The following FRMD4A variants were observed in gnomAD, a reference collection of about 807,000 sequenced individuals.
The protein encoded by FRMD4A is FERM domain-containing protein 4A.
In FRMD4A, 29 loss-of-function variants were observed where a neutral mutation model predicts 129.1. The ratio of observed to expected loss-of-function variants is 0.22; its 90% confidence interval spans 0.17 to 0.31. FRMD4A has a LOEUF of 0.31. FRMD4A is among the 10% of genes least tolerant of loss of function. The pLI, the probability that FRMD4A is intolerant of heterozygous loss-of-function variation, is 1.00. For missense variants in FRMD4A, 1,272 were observed against 1,375.8 expected (o/e 0.92, Z 1.19); for synonymous variants, 634 against 571.6 (o/e 1.11, Z -1.56).
chr10:13,880,529 TCCCCAGCTCCACAATGGGGAGAGCC>T (rs1422625542), intron 2 of FRMD4A, among the ~76,000 whole-genome samples: 1 of 152,132 alleles, frequency 6.6e-6, no homozygotes, highest in Non-Finnish European at 1.5e-5. Context: ...GACCAGGGGC[TCCCCAGCTCCACAATGGGGAGAGCC>T]CCCCAGGGTA....
intron 3 of FRMD4A, among the ~76,000 whole-genome samples, chr10:13,851,140 G>A (rs572994773): frequency 2.4e-4 from 36 of 152,276 alleles, no homozygotes; most frequent in Middle Eastern, 3.4e-3. Flanking sequence ...CTTGAACCCG[G>A]GAGGCAGAGG....
intron 2 of FRMD4A, among the ~76,000 whole-genome samples, chr10:14,161,297 A>G (rs1430030626): frequency 1.3e-5 from 2 of 152,238 alleles, no homozygotes; most frequent in Non-Finnish European, 2.9e-5. Context: ...CTACCATACA[A>G]TCCAACAATT....
intron 2 of FRMD4A, among the ~76,000 whole-genome samples, chr10:14,322,980 A>G (rs1488307753): frequency 6.6e-6 from 1 of 152,230 alleles, no homozygotes; most frequent in Non-Finnish European, 1.5e-5. Context: ...AACATATTGC[A>G]GCCCATATTT....
At chr10:14,236,285 G>A (rs1564407331) in intron 2 of FRMD4A, among the ~76,000 whole-genome samples, 1 of 152,216 alleles carries the variant, frequency 6.6e-6, no homozygotes, top group Non-Finnish European at 1.5e-5. Flanking sequence ...CATGAAGCGT[G>A]GATGAAGAGC....
intron 4 of FRMD4A, among the ~76,000 whole-genome samples, chr10:13,806,808 A>G (rs952532567): frequency 6.6e-6 from 1 of 152,044 alleles, no homozygotes; most frequent in Admixed American, 6.6e-5. Flanking sequence ...CAAAATATAA[A>G]TACTTTTTTT....
intron 2 of FRMD4A, among the ~76,000 whole-genome samples, chr10:14,202,821 G>A (rs1842678800): frequency 6.6e-6 from 1 of 152,138 alleles, no homozygotes; most frequent in Admixed American, 6.6e-5. Flanking sequence ...CACCCAGGCT[G>A]GAGTTCAGCG....
At chr10:14,115,320 G>A (rs1161391206) in intron 2 of FRMD4A, among the ~76,000 whole-genome samples, 2 of 152,140 alleles carry the variant, frequency 1.3e-5, no homozygotes, top group African/African-American at 4.8e-5. Flanking sequence ...AAAGTCCCAG[G>A]CCATCTGTGG....
chr10:13,961,604 A>G (rs2095445875), intron 2 of FRMD4A, among the ~76,000 whole-genome samples: 1 of 152,194 alleles, frequency 6.6e-6, no homozygotes, highest in Non-Finnish European at 1.5e-5. Flanking sequence ...CCACCACCTC[A>G]GCCTAGTTAA....
chr10:13,891,230 G>A (rs974574026), intron 2 of FRMD4A, among the ~76,000 whole-genome samples: 2 of 151,998 alleles, frequency 1.3e-5, no homozygotes, highest in African/African-American at 4.8e-5. Flanking sequence ...GCTGGCCCCC[G>A]CCACCCTTGT....
chr10:14,251,731 T>C (rs1439350354), intron 2 of FRMD4A, among the ~76,000 whole-genome samples: 1 of 152,190 alleles, frequency 6.6e-6, no homozygotes, highest in Non-Finnish European at 1.5e-5. Context: ...TGGAGCCAGA[T>C]TCCTGGGAGT....
At chr10:13,782,047 T>C (rs2092750844) in intron 6 of FRMD4A, among the ~76,000 whole-genome samples, 2 of 152,202 alleles carry the variant, frequency 1.3e-5, no homozygotes, top group South Asian at 4.1e-4. Flanking sequence ...AACTTACTCA[T>C]GTAACTAAAT....
intron 2 of FRMD4A, among the ~76,000 whole-genome samples, chr10:14,143,180 C>T (rs920151524): frequency 2.6e-5 from 4 of 152,198 alleles, no homozygotes; most frequent in Admixed American, 2.6e-4. Flanking sequence ...GATAGTTGTA[C>T]GTCCATCATT....
chr10:14,116,258 C>T (rs1470438741), intron 2 of FRMD4A, among the ~76,000 whole-genome samples: 2 of 152,152 alleles, frequency 1.3e-5, no homozygotes, highest in South Asian at 2.1e-4. Context: ...ACTTCAGAAA[C>T]GTGTGTAGCA....
chr10:14,101,414 A>G (rs1459948167), intron 2 of FRMD4A, among the ~76,000 whole-genome samples: 2 of 152,224 alleles, frequency 1.3e-5, no homozygotes, highest in Non-Finnish European at 2.9e-5. Flanking sequence ...AGGACTAGGT[A>G]GTCTGCTCCT....
intron 2 of FRMD4A, among the ~76,000 whole-genome samples, chr10:13,942,536 C>T (rs2095300368): frequency 6.6e-6 from 1 of 152,154 alleles, no homozygotes; most frequent in Non-Finnish European, 1.5e-5. Flanking sequence ...GCTGACCAAG[C>T]CCCTAGAAAA....
intron 2 of FRMD4A, among the ~76,000 whole-genome samples, chr10:14,230,412 T>C (rs1241226127): frequency 2.0e-5 from 3 of 152,176 alleles, no homozygotes; most frequent in East Asian, 1.9e-4. Context: ...GTTTTTGAAA[T>C]AGGAATAAAA....
At chr10:13,848,896 T>C (rs548897671) in intron 3 of FRMD4A, among the ~76,000 whole-genome samples, 1 of 152,352 alleles carries the variant, frequency 6.6e-6, no homozygotes, top group South Asian at 2.1e-4. Context: ...TTCTTATTCC[T>C]CTCCATCACT....
chr10:14,262,803 A>G (rs1370511486), intron 2 of FRMD4A, among the ~76,000 whole-genome samples: 3 of 152,224 alleles, frequency 2.0e-5, no homozygotes, highest in African/African-American at 7.2e-5. Flanking sequence ...ATGCTGGTTC[A>G]TGAGGATGTA....
chr10:13,861,276 G>T (rs571551678), intron 2 of FRMD4A, among the ~76,000 whole-genome samples: 87 of 152,264 alleles, frequency 5.7e-4, no homozygotes, highest in Non-Finnish European at 9.6e-4. Flanking sequence ...AACAAGAAAA[G>T]ATAGTCTCTT....
Sources: gnomAD v4.1 joint callset for allele counts (sites outside exome capture counted in the v4.1 genomes callset) on GRCh38, gnomAD v4.1.1 for gene constraint, MANE v1.5 for transcripts, NCBI Gene and HGNC (gene_info 2026-07-23, HGNC 2026-07-21) for gene names.